The following MYH13 variants were observed in gnomAD, a reference collection of about 807,000 sequenced individuals.
MYH13 encodes the protein myosin heavy chain 13.
A neutral mutation model predicts 232.1 loss-of-function variants in MYH13; 177 were observed. That is an observed-to-expected ratio of 0.76 (90% CI 0.67 to 0.86). The LOEUF (loss-of-function observed/expected upper bound fraction) is 0.86. Among genes scored for constraint, MYH13 ranks in the 40% least tolerant of loss-of-function variants. The probability of loss-of-function intolerance (pLI) is 0.00; values close to 1 mark genes in which losing one functional copy is unlikely to be tolerated. For synonymous variants in MYH13, 884 were observed against 923.5 expected, an observed-to-expected ratio of 0.96 and a Z score of 0.78; for missense variants, 2,246 against 2,405.9, an observed-to-expected ratio of 0.93 and a Z score of 1.39.
At chr17:10,313,404 A>C in intron 29 of MYH13, 50 bp from the exon 30 acceptor site, 1 of 1,611,986 alleles carries the variant, frequency 6.2e-7, no homozygotes, top group Non-Finnish European at 8.5e-7. Context: ...CCCTTTTCCA[A>C]GTTCAGGTAT....
chr17:10,360,152 G>C lies in MYH13; in HGVS notation c.533+9C>G, dbSNP rs776373072. The C allele has an allele frequency of 3.1e-6, 5 of 1,614,092 alleles. No individual in the cohort carries two copies. The highest frequency in any genetic ancestry group is 3.4e-6 in the Non-Finnish European group (4 of 1,179,952). ...CCAAGTCATGATGGTACAAAGAGGTGTTACTCACGTGATGAGGATAGACTG... is the reference window on the plus strand; with the variant it reads ...CCAAGTCATGATGGTACAAAGAGGTCTTACTCACGTGATGAGGATAGACTG... On this transcript the variant is annotated intron_variant, in intron 6 of 40. Transcript: ENST00000252172.
intron 29 of MYH13, 57 bp from the exon 30 acceptor site, chr17:10,313,411 G>T (rs978266581): frequency 1.2e-6 from 2 of 1,609,916 alleles, no homozygotes; most frequent in Non-Finnish European, 1.7e-6. Flanking sequence ...CCAAGTTCAG[G>T]TATTTTCATT....
intron 12 of MYH13, among the ~76,000 whole-genome samples, chr17:10,348,374 A>C (rs891928450): frequency 6.6e-6 from 1 of 152,152 alleles, no homozygotes; most frequent in African/African-American, 2.4e-5. Flanking sequence ...CTCTAGGTTT[A>C]GGTTTAGGTT....
Position 10,330,345 on chromosome 17 carries a change from G to A in MYH13, c.2435+42C>T, listed in dbSNP as rs60279728. The A allele has an allele frequency of 8.1e-3, 12,956 of 1,607,700 alleles. 875 individuals are homozygous for A. In the African/African-American group the frequency reaches 0.15, roughly 19 times the overall value. ...GCAGGAAGTGACAATCAGCTGCTAA[G>A]CAGAGAGGGCAGGATAAGGTGGAGG... On this transcript the variant is annotated intron_variant, in intron 21 of 40. Coordinates refer to ENST00000252172, the MANE Select transcript of MYH13 (RefSeq NM_003802.3).
intron 2 of MYH13, among the ~76,000 whole-genome samples, chr17:10,366,871 A>T (rs936091097): frequency 2.0e-5 from 3 of 152,166 alleles, no homozygotes; most frequent in Admixed American, 6.5e-5. Context: ...AAAAGCATCC[A>T]CTTCCCATGG....
chr17:10,369,578 A>G (rs1010836908), intron 2 of MYH13, among the ~76,000 whole-genome samples: 3 of 152,248 alleles, frequency 2.0e-5, no homozygotes, highest in African/African-American at 7.2e-5. Flanking sequence ...CAATAGGAGA[A>G]TAAAGTCTGA....
intron 2 of MYH13, among the ~76,000 whole-genome samples, chr17:10,366,759 C>G (rs557837897): frequency 1.3e-5 from 2 of 152,274 alleles, no homozygotes; most frequent in South Asian, 2.1e-4. Flanking sequence ...TTATAGTTCT[C>G]TCCCCCATCT....
At chr17:10,337,003 C>G (rs939644028) in intron 18 of MYH13, among the ~76,000 whole-genome samples, 4 of 151,884 alleles carry the variant, frequency 2.6e-5, no homozygotes. Context: ...CTGCACCCAC[C>G]GCCTCCTGGG....
rs1409715289 is a variant in MYH13, at chr17:10,364,580, G to T, written c.-12-38C>A. Reference sequence around the variant, plus strand: ...GAGGGACTGCTGAGTCTTGTGCTTGGGTGACTGCTGAAGCTGCAGGGCCCC... The same window carrying T: ...GAGGGACTGCTGAGTCTTGTGCTTGTGTGACTGCTGAAGCTGCAGGGCCCC... On this transcript the variant is annotated intron_variant, in intron 2 of 40. Coordinates refer to ENST00000252172, the MANE Select transcript of MYH13 (RefSeq NM_003802.3). 4.6e-6 allele frequency: 7 copies of T among 1,521,882 alleles called. No individual in the cohort carries two copies. The South Asian group carries it at 7.2e-5, about 16-fold the overall frequency. The allele number at this position is 1,521,882 out of a possible 1,614,324, so 94.3% of individuals were successfully genotyped here.
At chr17:10,362,081 A>T (rs2142274856) in intron 5 of MYH13, 37 bp downstream of exon 5, 1 of 1,613,074 alleles carries the variant, frequency 6.2e-7, no homozygotes, top group East Asian at 2.2e-5. Context: ...TTAACTAAGG[A>T]TGGCTTCAAA....
At chr17:10,333,259 A>G in intron 18 of MYH13, 68 bp from the exon 19 acceptor site, 3 of 1,098,566 alleles carry the variant, frequency 2.7e-6, no homozygotes, top group Non-Finnish European at 4.0e-6. Flanking sequence ...CTGAGGCACC[A>G]TGAGACCCTC....
intron 15 of MYH13, among the ~76,000 whole-genome samples, chr17:10,344,910 C>T (rs2071650544): frequency 6.6e-6 from 1 of 152,034 alleles, no homozygotes; most frequent in Non-Finnish European, 1.5e-5. Flanking sequence ...GGTTCCGCCT[C>T]CTTGGGTCTT....
intron 18 of MYH13, among the ~76,000 whole-genome samples, chr17:10,334,878 C>T (rs893550198): frequency 9.5e-4 from 144 of 151,736 alleles, no homozygotes; most frequent in African/African-American, 3.3e-3. Context: ...GACTCAGTCT[C>T]AAATAAATAA....
chr17:10,336,066 C>G (rs557001883), intron 18 of MYH13, among the ~76,000 whole-genome samples: 1 of 152,010 alleles, frequency 6.6e-6, no homozygotes, highest in South Asian at 2.1e-4. Flanking sequence ...TATGGGGTGG[C>G]GGGGCACTGG....
intron 7 of MYH13, 147 bp from the exon 8 acceptor site, chr17:10,357,974 C>G (rs796599605): frequency 1.5e-5 from 9 of 608,080 alleles, no homozygotes; most frequent in African/African-American, 1.3e-4. Flanking sequence ...ACCCACGCCC[C>G]CACCCCCACC....
At chr17:10,344,244 A>G in intron 15 of MYH13, 135 bp from the exon 16 acceptor site, 1 of 1,318,546 alleles carries the variant, frequency 7.6e-7, no homozygotes, top group African/African-American at 1.5e-5. Context: ...TGAGAGCAAG[A>G]CTCTTGGTCT....
chr17:10,372,140 C>G (rs1292217882), intron 1 of MYH13, among the ~76,000 whole-genome samples: 1 of 152,068 alleles, frequency 6.6e-6, no homozygotes, highest in Non-Finnish European at 1.5e-5. Flanking sequence ...CCAGTTATAT[C>G]CTAAAATTCT....
chr17:10,311,947 A>C lies in MYH13; in HGVS notation c.4495T>G (p.Leu1499Val), dbSNP rs757114637. The C allele has an allele frequency of 6.2e-7, 1 of 1,613,938 alleles. No homozygotes were observed. Among genetic ancestry groups the C allele is most frequent in the East Asian group, 2.2e-5 (1 of 44,860 alleles). ...TTGTTCTCTCGCCTCAGTGTCTCTA[A>C]CTGGTCCACCACCTCCTCATAGGCA... ...RNAYEEVVDQ[L>V]ETLRRENKNL... Residue 1499 changes from leucine to valine, a missense_variant, in exon 32 of 41, where the codon TTA (leucine) becomes GTA (valine). Coordinates refer to ENST00000252172, the MANE Select transcript of MYH13 (RefSeq NM_003802.3).
chr17:10,350,810 A>G (rs1567669981), intron 11 of MYH13, 116 bp from the exon 12 acceptor site: 1 of 1,348,314 alleles, frequency 7.4e-7, no homozygotes, highest in Non-Finnish European at 1.1e-6. Context: ...ATTTGCCCAA[A>G]TAAGTGGATG....
Sources: gnomAD v4.1 joint callset for allele counts (sites outside exome capture counted in the v4.1 genomes callset) on GRCh38, gnomAD v4.1.1 for gene constraint, MANE v1.5 for transcripts, NCBI Gene and HGNC (gene_info 2026-07-23, HGNC 2026-07-21) for gene names.